Variants in ADAMTS3 observed in about 807,000 individuals in gnomAD.
The protein encoded by ADAMTS3 is A disintegrin and metalloproteinase with thrombospondin motifs 3.
Under a neutral mutation model 129.0 loss-of-function variants are expected in ADAMTS3, and 73 were observed. The ratio of observed to expected loss-of-function variants is 0.57; its 90% CI spans 0.47 to 0.69. The LOEUF (loss-of-function observed/expected upper bound fraction) is 0.69, where lower values mean the gene tolerates loss of function less well. Ranked by LOEUF, ADAMTS3 falls within the 30% of genes least tolerant of loss-of-function variation. The pLI, the probability that ADAMTS3 is intolerant of heterozygous loss-of-function variation, is 0.00. For missense variants in ADAMTS3, 1,457 were observed against 1,514.5 expected (o/e 0.96, Z 0.63); for synonymous variants, 477 against 510.8 (o/e 0.93, Z 0.89).
rs1449767625 is a variant in ADAMTS3, at chr4:72,283,065, G to A, written c.*71C>T. ...CTATAGAGATTTCCACTTTAAACAA[G>A]CATATGCACCATGGGAAGAGAGAGG... is the stretch of plus-strand genomic sequence containing the variant. On this transcript the variant is annotated 3_prime_UTR_variant, in exon 22 of 22. Transcript: ENST00000286657. 3.1e-6 allele frequency: 4 copies of A among 1,275,550 alleles called. No homozygotes were observed. The highest frequency in any genetic ancestry group is 3.0e-5 in the African/African-American group (2 of 66,902). The allele number at this position is 1,275,550 out of a possible 1,614,324, so 79.0% of individuals were successfully genotyped here.
At position 72,318,564 on chromosome 4, in the gene ADAMTS3, C is replaced by T. The variant is rs752258357; in HGVS notation, c.1485+8G>A. ...CTGCAAAATCTACATCAACTGTGAGCAACATACCGCGGTGCACATTTTATA... is the reference window on the plus strand; with the variant it reads ...CTGCAAAATCTACATCAACTGTGAGTAACATACCGCGGTGCACATTTTATA... On this transcript the variant is annotated splice_region_variant and intron_variant, in intron 10 of 21. Transcript: ENST00000286657. 1.9e-6 allele frequency: 3 copies of T among 1,611,678 alleles called. No individual in the cohort carries two copies. The South Asian group carries it at 3.3e-5, about 18-fold the overall frequency.
chr4:72,473,782 C>A (rs983115426), intron 3 of ADAMTS3, among the ~76,000 whole-genome samples: 6 of 152,192 alleles, frequency 3.9e-5, no homozygotes, highest in East Asian at 1.9e-4. Flanking sequence ...AGACTCCCAA[C>A]TCCTACCCAT....
chr4:72,424,570 C>T (rs1353715470), intron 3 of ADAMTS3, among the ~76,000 whole-genome samples: 5 of 151,990 alleles, frequency 3.3e-5, no homozygotes, highest in African/African-American at 4.8e-5. Flanking sequence ...AATGCTAAAA[C>T]GCCTGCCTAG....
At chr4:72,313,005 C>T (rs1251435785) in intron 12 of ADAMTS3, among the ~76,000 whole-genome samples, 1 of 152,128 alleles carries the variant, frequency 6.6e-6, no homozygotes, top group African/African-American at 2.4e-5. Context: ...TCATCTCTTA[C>T]TGGGAAGGCA....
chr4:72,489,840 G>A (rs575384984), intron 3 of ADAMTS3, among the ~76,000 whole-genome samples: 2 of 151,824 alleles, frequency 1.3e-5, no homozygotes, highest in South Asian at 2.1e-4. Flanking sequence ...TGAGGGTCTC[G>A]GAACATATTT....
chr4:72,444,676 G>A (rs995057347), intron 3 of ADAMTS3, among the ~76,000 whole-genome samples: 3 of 151,682 alleles, frequency 2.0e-5, no homozygotes, highest in African/African-American at 7.3e-5. Context: ...AAAATCAGAG[G>A]AAAATAGCAT....
intron 4 of ADAMTS3, among the ~76,000 whole-genome samples, chr4:72,387,136 A>G (rs1721469082): frequency 6.6e-6 from 1 of 152,214 alleles, no homozygotes; most frequent in African/African-American, 2.4e-5. Flanking sequence ...TGTTTTTTAC[A>G]TTCTGACTCT....
At chr4:72,363,917 G>A (rs1720794543) in intron 4 of ADAMTS3, among the ~76,000 whole-genome samples, 1 of 152,060 alleles carries the variant, frequency 6.6e-6, no homozygotes, top group Admixed American at 6.6e-5. Context: ...TGATGGTGAT[G>A]GCGACGATAA....
chr4:72,472,755 T>C (rs1455545595), intron 3 of ADAMTS3, among the ~76,000 whole-genome samples: 1 of 152,122 alleles, frequency 6.6e-6, no homozygotes, highest in Admixed American at 6.5e-5. Flanking sequence ...TATAAGATAG[T>C]CAAAATGAAG....
chr4:72,466,833 T>G (rs16848003), intron 3 of ADAMTS3, among the ~76,000 whole-genome samples: 6,376 of 152,086 alleles, frequency 0.042, 158 homozygotes, highest in Non-Finnish European at 0.048. Flanking sequence ...AAGGCTGTAA[T>G]TTAGGGTCAG....
In ADAMTS3 at chr4:72,291,034, T is replaced by G; in HGVS notation, c.2752A>C (p.Thr918Pro). 1 of 1,613,992 alleles carries G rather than the reference T, an allele frequency of 6.2e-7. No individual in the cohort carries two copies. The change falls in exon 20 of 22, where the codon ACC becomes CCC. Residue 918 changes from threonine to proline, a missense_variant. Transcript: ENST00000286657. ...TAGCCAGAACTTCCACAGGTTTTGG[T>G]GCAGTGTTCCCATTCTTCTGCTACC... The part of the protein sequence containing the change: ...LWVAEEWEHC[T>P]KTCGSSGYQL...
intron 3 of ADAMTS3, among the ~76,000 whole-genome samples, chr4:72,444,707 C>G (rs1404281823): frequency 6.6e-6 from 1 of 151,632 alleles, no homozygotes; most frequent in South Asian, 2.1e-4. Context: ...TTTGACATTG[C>G]AAGTTATAAG....
At chr4:72,399,707 G>A (rs1721827066) in intron 4 of ADAMTS3, among the ~76,000 whole-genome samples, 3 of 143,970 alleles carry the variant, frequency 2.1e-5, no homozygotes, top group African/African-American at 7.9e-5. Flanking sequence ...ATACACACAC[G>A]GTGTGTACGC....
At chr4:72,564,489 T>G (rs1721977435) in intron 2 of ADAMTS3, among the ~76,000 whole-genome samples, 1 of 152,258 alleles carries the variant, frequency 6.6e-6, no homozygotes, top group Non-Finnish European at 1.5e-5. Context: ...CTTACACATA[T>G]ATACAGAAAC....
Position 72,282,028 on chromosome 4 carries a change from T to C in ADAMTS3, c.*1108A>G, listed in dbSNP as rs2109758883. On this transcript the variant is annotated 3_prime_UTR_variant, in exon 22 of 22. Transcript: ENST00000286657. ...AATAAATATCTCAACCATCGACATA[T>C]GCTTTCTTGAACCTGCCTTCAAAGC... 6.6e-6 allele frequency: 1 copy of C among 152,310 alleles called. No individual in the cohort carries two copies. The highest frequency in any genetic ancestry group is 6.5e-5 in the Admixed American group (1 of 15,282). The allele number at this position is 152,310 out of a possible 1,614,324, so 9.4% of individuals were successfully genotyped here.
At chr4:72,490,723 T>C (rs1719717606) in intron 3 of ADAMTS3, among the ~76,000 whole-genome samples, 1 of 151,892 alleles carries the variant, frequency 6.6e-6, no homozygotes, top group East Asian at 1.9e-4. Context: ...TACCATACGT[T>C]TTAATTAGTG....
rs907521904 is a variant in ADAMTS3 at position 72,426,254 on chromosome 4, A to G, written c.505-11283T>C. Among the ~76,000 whole-genome samples, 3 of 152,106 alleles carry G rather than the reference A, an allele frequency of 2.0e-5. No homozygotes were observed. In the East Asian group the frequency reaches 5.8e-4, roughly 29 times the overall value. ...TATTAGCCCTTTGTCAGATGAGTAG[A>G]TTGCAAAAATTTTCTCCTATGCTGT... On this transcript the variant is annotated intron_variant, in intron 3 of 21. Transcript: ENST00000286657.
At position 72,298,442 on chromosome 4, in the gene ADAMTS3, T is replaced by C. The variant is rs753336449; in HGVS notation, c.2425A>G (p.Ile809Val). ...CGGGTATCATTTTCTTGAGGTATAA[T>C]CTAACATACACATGAAATCAATATG... The part of the protein sequence containing the change: ...GPLHDPVIVL[I>V]IPQENDTRSS... The change falls in exon 18 of 22, where the codon ATT (isoleucine) becomes GTT (valine). Residue 809 changes from isoleucine to valine, a missense_variant and splice_region_variant. By Grantham distance (29) the Ile-to-Val change is conservative. Transcript: ENST00000286657. 2 of 1,594,232 alleles carry C rather than the reference T, an allele frequency of 1.3e-6. No homozygotes were observed. The highest frequency in any genetic ancestry group is 2.3e-5 in the South Asian group (2 of 87,626).
intron 3 of ADAMTS3, among the ~76,000 whole-genome samples, chr4:72,499,555 C>A (rs1347012173): frequency 6.6e-6 from 1 of 152,160 alleles, no homozygotes; most frequent in African/African-American, 2.4e-5. Flanking sequence ...TATGTACTTG[C>A]CATATGTTGC....
Sources: gnomAD v4.1 joint callset for allele counts (sites outside exome capture counted in the v4.1 genomes callset) on GRCh38, gnomAD v4.1.1 for gene constraint, MANE v1.5 for transcripts, NCBI Gene and HGNC (gene_info 2026-07-23, HGNC 2026-07-21) for gene names.